POLD4: variants seen among roughly 807,000 people sequenced by gnomAD.
The protein encoded by POLD4 is DNA polymerase delta subunit 4.
A neutral mutation model predicts 16.5 loss-of-function variants in POLD4; 9 were observed. That is an observed-to-expected ratio of 0.55 (90% CI 0.33 to 0.95). POLD4 has a LOEUF of 0.95. Ranked by LOEUF, POLD4 falls within the 40% of genes least tolerant of loss-of-function variation. The pLI is 0.03. For missense variants in POLD4, 129 were observed against 139.7 expected, an observed-to-expected ratio of 0.92 and a Z score of 0.39; for synonymous variants, 62 against 57.6, an observed-to-expected ratio of 1.08 and a Z score of -0.35.
chr11:67,353,312 G>A lies in POLD4; in HGVS notation c.88C>T (p.Pro30Ser), dbSNP rs1454020477. 6.2e-7 allele frequency: 1 copy of A among 1,611,774 alleles called. No homozygotes were observed. Among genetic ancestry groups the A allele is most frequent in the Admixed American group, 1.7e-5 (1 of 59,938 alleles). ...PAGHSKGELA[P>S]ELGEEPQPRD... ...CTCACACCTCAGAGACCTAGCTCGGGTGCCAGCTCCCCCTTGCTGTGCCCA... is the reference window on the plus strand; with the variant it reads ...CTCACACCTCAGAGACCTAGCTCGGATGCCAGCTCCCCCTTGCTGTGCCCA... Residue 30 changes from proline (P) to serine (S), a missense_variant, in exon 1 of 4, where the codon CCC becomes TCC. Transcript: ENST00000312419.
Position 67,352,786 on chromosome 11 carries a change from C to T in POLD4, c.204G>A (p.Gln68=). 6.2e-7 allele frequency: 1 copy of T among 1,609,112 alleles called. No individual in the cohort carries two copies. The highest frequency in any genetic ancestry group is 8.5e-7 in the Non-Finnish European group (1 of 1,177,114). Residue 68 remains glutamine (Q), a synonymous_variant, in exon 3 of 4, where the codon CAG becomes CAA. Coordinates refer to ENST00000312419, the MANE Select transcript of POLD4 (RefSeq NM_021173.5). ...YGPCTGITRL[Q]RWCRAKQMGL... ...CCATCTGCTTGGCCCGACACCAGCG[C>T]TGCAGCCGTGTGATCCCTGCCAGGG... is the stretch of plus-strand genomic sequence containing the variant.
In POLD4 at chr11:67,351,811, C is replaced by T. The variant is rs563016267; in HGVS notation, c.*184G>A. 226 of 619,972 alleles carry T rather than the reference C, an allele frequency of 3.6e-4. 2 individuals carry two copies. The highest frequency in any genetic ancestry group is 3.2e-3 in the African/African-American group (171 of 54,022). The allele number at this position is 619,972 out of a possible 1,614,324, so 38.4% of individuals were successfully genotyped here. ...TCTGCTTCAGCTGCGCAGGCTCTTCCGGGGACTCTGGGAGCCTGCTGGTTA... is the reference window on the plus strand; with the variant it reads ...TCTGCTTCAGCTGCGCAGGCTCTTCTGGGGACTCTGGGAGCCTGCTGGTTA... On this transcript the variant is annotated 3_prime_UTR_variant, in exon 4 of 4. Transcript: ENST00000312419. This position sits in a 1 kb window ranked among gnomAD's most constrained non-coding sequence, Gnocchi z 4.8.
chr11:67,352,147 A>G, intron 3 of POLD4, 128 bp from the exon 4 acceptor site: 1 of 739,688 alleles, frequency 1.4e-6, no homozygotes, highest in South Asian at 1.7e-5. Flanking sequence ...TCCTTGGGAA[A>G]CCCCTCAGTT....
chr11:67,352,946 T>TGGCTGGGAGAGGCGCCTCC (rs761822208), intron 2 of POLD4, 42 bp downstream of exon 2: 7 of 1,498,690 alleles, frequency 4.7e-6, no homozygotes, highest in Non-Finnish European at 6.3e-6. Flanking sequence ...TGTGGGTGAC[T>TGGCTGGGAGAGGCGCCTCC]GGCTGGGAGA....
At chr11:67,352,381 G>C (rs1018928185) in intron 3 of POLD4, 1 of 352,116 alleles carries the variant, frequency 2.8e-6, no homozygotes, top group Non-Finnish European at 5.2e-6. Context: ...GTGTTGGCGG[G>C]CGCCTGTAGT....
chr11:67,351,779 G>C lies in POLD4; in HGVS notation c.*216C>G. 2 of 559,320 alleles carry C rather than the reference G, an allele frequency of 3.6e-6. No homozygotes were observed. Among genetic ancestry groups the C allele is most frequent in the South Asian group, 4.5e-5 (2 of 44,388 alleles). The allele number at this position is 559,320 out of a possible 1,614,324, so 34.6% of individuals were successfully genotyped here. A position where few individuals can be genotyped will look rare whatever the true frequency, so the allele number is the denominator to read the frequency against. ...TTCCCCAGTGACCACTCTCCATCTA[G>C]AAGCACTCTGCTTCAGCTGCGCAGG... is the stretch of plus-strand genomic sequence containing the variant. On this transcript the variant is annotated 3_prime_UTR_variant, in exon 4 of 4. Transcript: ENST00000312419. The surrounding 1 kb of genome is among the most constrained non-coding windows in gnomAD (Gnocchi z 4.8).
chr11:67,352,042 G>T, intron 3 of POLD4, 23 bp from the exon 4 acceptor site: 16 of 824,518 alleles, frequency 1.9e-5, no homozygotes, highest in Non-Finnish European at 2.5e-5. Context: ...GGGTGGGAGG[G>T]AGGGATACCC....
chr11:67,352,001 G>A lies in POLD4; in HGVS notation c.318C>T (p.Pro106=). The A allele has an allele frequency of 7.4e-7, 1 of 1,351,954 alleles. No homozygotes were observed. The highest frequency in any genetic ancestry group is 1.5e-5 in the African/African-American group (1 of 67,104). 83.7% of individuals were successfully genotyped at this position (1,351,954 alleles called of 1,614,324 possible). The change falls in exon 4 of 4, where the codon CCC becomes CCT. Residue 106 remains proline (P), a synonymous_variant. Transcript: ENST00000312419. ...GGAGGTCTTACGTGGTGCCTCATAG[G>A]GGATAGAGATGCCAGAGACTGTGGA... The part of the protein sequence containing the change: ...RFQCSLWHLY[P]L
intron 2 of POLD4, 40 bp from the exon 3 acceptor site, chr11:67,352,842 G>A (rs886803722): frequency 6.6e-7 from 1 of 1,517,752 alleles, no homozygotes; most frequent in Non-Finnish European, 9.0e-7. Flanking sequence ...CTTGTGGGGG[G>A]TGGGGTAGAG....
chr11:67,352,324 C>T (rs754091095), intron 3 of POLD4: 1 of 356,848 alleles, frequency 2.8e-6, no homozygotes, highest in Non-Finnish European at 5.2e-6. Flanking sequence ...TCCTGGCTAA[C>T]ACGGTGAAAC....
upstream of POLD4, chr11:67,353,581 C>A (rs566301222): frequency 8.5e-6 from 5 of 589,380 alleles, no homozygotes; most frequent in Admixed American, 3.3e-5. Flanking sequence ...ACGCCTCCCC[C>A]ACCCCCAAAA....
intron 3 of POLD4, chr11:67,352,281 G>T (rs1861884420): frequency 7.0e-6 from 3 of 426,100 alleles, no homozygotes; most frequent in East Asian, 4.5e-5. Context: ...AGGCTGAGGT[G>T]GGTGGGATCA....
chr11:67,353,307 C>T lies in POLD4; in HGVS notation c.93G>A (p.Glu31=), dbSNP rs55855949. The stretch of plus-strand genomic sequence containing the variant: ...CCTCCCTCACACCTCAGAGACCTAG[C>T]TCGGGTGCCAGCTCCCCCTTGCTGT... ...AGHSKGELAP[E]LGEEPQPRDE... The change falls in exon 1 of 4, where the codon GAG becomes GAA. Residue 31 remains glutamate, a synonymous_variant. Coordinates refer to ENST00000312419, the MANE Select transcript of POLD4 (RefSeq NM_021173.5). 1.9e-6 allele frequency: 3 copies of T among 1,611,352 alleles called. No homozygotes were observed. Among genetic ancestry groups the T allele is most frequent in the Non-Finnish European group, 1.7e-6 (2 of 1,179,592 alleles).
Position 67,351,877 on chromosome 11 carries a change from G to T in POLD4, c.*118C>A. ...CCTCTGACACCTCCAGGTTCTGCCT[G>T]CCAAGGGTTCCTCCGCAGCCGGGCT... On this transcript the variant is annotated 3_prime_UTR_variant, in exon 4 of 4. Transcript: ENST00000312419. The surrounding 1 kb of genome is among the most constrained non-coding windows in gnomAD (Gnocchi z 4.8). 1.7e-6 allele frequency: 2 copies of T among 1,155,626 alleles called. No individual in the cohort carries two copies. The highest frequency in any genetic ancestry group is 2.5e-6 in the Non-Finnish European group (2 of 798,268). The allele number at this position is 1,155,626 out of a possible 1,614,324, so 71.6% of individuals were successfully genotyped here. A position where few individuals can be genotyped will look rare whatever the true frequency, so the allele number is the denominator to read the frequency against.
At chr11:67,352,909 G>A in intron 2 of POLD4, 79 bp downstream of exon 2, 1 of 1,397,966 alleles carries the variant, frequency 7.2e-7, no homozygotes, top group Non-Finnish European at 9.7e-7. Context: ...TCAGAGTCAC[G>A]CAAGCGCTTG....
intron 2 of POLD4, 67 bp downstream of exon 2, chr11:67,352,921 G>A: frequency 6.9e-7 from 1 of 1,446,556 alleles, no homozygotes; most frequent in Non-Finnish European, 9.3e-7. Flanking sequence ...AAGCGCTTGG[G>A]TGACTTCAGA....
chr11:67,353,586 C>A, upstream of POLD4: 1 of 585,556 alleles, frequency 1.7e-6, no homozygotes, highest in South Asian at 2.1e-5. Flanking sequence ...TCCCCCACCC[C>A]CAAAAGCACG....
upstream of POLD4, chr11:67,353,595 C>G (rs1590906983): frequency 1.7e-6 from 1 of 581,494 alleles, no homozygotes; most frequent in South Asian, 2.1e-5. Context: ...CCCAAAAGCA[C>G]GCAAACAGGA....
Position 67,352,992 on chromosome 11 carries a change from G to A in POLD4, c.183C>T (p.Cys61=), listed in dbSNP as rs1861907198. 1.3e-6 allele frequency: 2 copies of A among 1,571,940 alleles called. No homozygotes were observed. Among genetic ancestry groups the A allele is most frequent in the Non-Finnish European group, 8.6e-7 (1 of 1,158,206 alleles). The change falls in exon 2 of 4, where the codon TGC becomes TGT. Residue 61 remains cysteine (C), a synonymous_variant. Coordinates refer to ENST00000312419, the MANE Select transcript of POLD4 (RefSeq NM_021173.5). ...TGGGGCTGGGTGGGTTCTCACCGGTGCAGGGCCCGTACTGCCAGGCCAGGT... is the reference window on the plus strand; with the variant it reads ...TGGGGCTGGGTGGGTTCTCACCGGTACAGGGCCCGTACTGCCAGGCCAGGT... The part of the protein sequence containing the change: ...QFDLAWQYGP[C]TGITRLQRWC...
Sources: allele counts gnomAD v4.1 joint callset, GRCh38; gene constraint gnomAD v4.1.1; non-coding constraint Gnocchi (gnomAD v3.1); transcripts MANE v1.5; gene names NCBI Gene and HGNC (gene_info 2026-07-23, HGNC 2026-07-21).